Variants in CCDC88A observed in about 807,000 individuals in gnomAD.
CCDC88A encodes coiled-coil and HOOK domain protein 88A.
Under a neutral mutation model 234.3 loss-of-function variants are expected in CCDC88A, and 54 were observed. The observed-to-expected ratio is 0.23, with a 90% CI of 0.19 to 0.29. The LOEUF (loss-of-function observed/expected upper bound fraction) is 0.29. Among genes scored for constraint, CCDC88A ranks in the 10% least tolerant of loss-of-function variants. CCDC88A has a pLI of 1.00. For missense variants in CCDC88A, 1,832 were observed against 2,123.4 expected, an observed-to-expected ratio of 0.86 and a Z score of 2.70; for synonymous variants, 753 against 737.8, an observed-to-expected ratio of 1.02 and a Z score of -0.33.
chr2:55,320,745 T>A (rs1038468678), intron 18 of CCDC88A: 2 of 152,060 alleles, frequency 1.3e-5, no homozygotes, highest in Non-Finnish European at 2.9e-5. Context: ...TTAAGAAAAA[T>A]TAAAGCACTA....
intron 22 of CCDC88A, chr2:55,313,436 G>A (rs1682584224): frequency 1.3e-5 from 2 of 152,188 alleles, no homozygotes; most frequent in Admixed American, 1.3e-4. Context: ...AAGGGAAATC[G>A]GGTAATTTAG....
At chr2:55,389,752 A>T (rs1676287309) in intron 2 of CCDC88A, among the ~76,000 whole-genome samples, 2 of 152,052 alleles carry the variant, frequency 1.3e-5, no homozygotes, top group South Asian at 4.2e-4. Flanking sequence ...TTAGGAATAA[A>T]GACTGAGGTA....
chr2:55,346,716 G>C (rs1001896369), intron 9 of CCDC88A, among the ~76,000 whole-genome samples: 1 of 152,000 alleles, frequency 6.6e-6, no homozygotes, highest in Non-Finnish European at 1.5e-5. Flanking sequence ...CACCGCACTC[G>C]GCTGATAAAT....
chr2:55,369,484 C>T (rs1672517651), intron 5 of CCDC88A, among the ~76,000 whole-genome samples: 1 of 142,470 alleles, frequency 7.0e-6, no homozygotes, highest in South Asian at 2.2e-4. Flanking sequence ...TGAAGTCTTG[C>T]TCTGTCGCCC....
Position 55,294,927 on chromosome 2 carries a change from C to G in CCDC88A, c.5551+670G>C. 3.4e-6 allele frequency: 4 copies of G among 1,184,390 alleles called. No homozygotes were observed. The African/African-American group carries it at 4.8e-5, about 14-fold the overall frequency. The allele number at this position is 1,184,390 out of a possible 1,614,324, so 73.4% of individuals were successfully genotyped here. On this transcript the variant is annotated intron_variant, in intron 31 of 32. Coordinates refer to ENST00000436346, the MANE Select transcript of CCDC88A (RefSeq NM_001365480.1). ...TTAATATACATGCCATCATGTACAG[C>G]TGAACACTGTGCAACAATTTTAAAT...
At chr2:55,393,289 G>GTTGTT (rs1676961520) in intron 2 of CCDC88A, among the ~76,000 whole-genome samples, 1 of 61,658 alleles carries the variant, frequency 1.6e-5, no homozygotes, top group Admixed American at 2.9e-4. Context: ...GGTTTTTTGG[G>GTTGTT]TTTTTTTTTT....
intron 2 of CCDC88A, among the ~76,000 whole-genome samples, chr2:55,391,689 T>C (rs915006676): frequency 2.0e-5 from 3 of 152,186 alleles, no homozygotes; most frequent in Non-Finnish European, 2.9e-5. Context: ...ATTAGTGAAC[T>C]TGAAGACATT....
rs1175215251 is a variant in CCDC88A, at chr2:55,309,158, G to A, written c.4172+4C>T. On this transcript the variant is annotated splice_donor_region_variant and intron_variant, in intron 24 of 32. Coordinates refer to ENST00000436346, the MANE Select transcript of CCDC88A (RefSeq NM_001365480.1). This position sits in a 1 kb window ranked among gnomAD's most constrained non-coding sequence, Gnocchi z 5.1. Reference sequence around the variant, plus strand: ...AAGAATTCATAAAATTTGGTTAATGGTACCTTCTAGGAGGAGATGGGTCAT... The same window carrying A: ...AAGAATTCATAAAATTTGGTTAATGATACCTTCTAGGAGGAGATGGGTCAT... The A allele has an allele frequency of 6.5e-7, 1 of 1,539,534 alleles. No homozygotes were observed. The highest frequency in any genetic ancestry group is 8.9e-7 in the Non-Finnish European group (1 of 1,121,374).
rs1234130864 is a variant in CCDC88A, at chr2:55,366,523, T to TCACA, written c.403-2494_403-2491dup. On this transcript the variant is annotated intron_variant, in intron 5 of 32. Coordinates refer to ENST00000436346, the MANE Select transcript of CCDC88A (RefSeq NM_001365480.1). ...GCCTAGGCAACAGAGCAAGACTCTG[T>TCACA]CACACACACATACACACACACACAC... Among the ~76,000 whole-genome samples, 63 of 127,804 alleles carry TCACA rather than the reference T, an allele frequency of 4.9e-4. 1 individual carries two copies. The highest frequency in any genetic ancestry group is 3.0e-3 in the Admixed American group (37 of 12,322). 83.8% of individuals were successfully genotyped at this position (127,804 alleles called of 152,430 possible). A position where few individuals can be genotyped will look rare whatever the true frequency, so the allele number is the denominator to read the frequency against.
chr2:55,377,538 A>T (rs1673875411), intron 3 of CCDC88A, among the ~76,000 whole-genome samples: 1 of 152,032 alleles, frequency 6.6e-6, no homozygotes, highest in Admixed American at 6.6e-5. Flanking sequence ...TTGTGAAGAT[A>T]ACCTAAGTCA....
intron 5 of CCDC88A, among the ~76,000 whole-genome samples, chr2:55,370,460 G>A (rs1229168835): frequency 6.6e-6 from 1 of 150,378 alleles, no homozygotes; most frequent in African/African-American, 2.4e-5. Flanking sequence ...TGGCCAACAT[G>A]GTGAAACCCT....
chr2:55,296,173 C>CAA (rs5831349), intron 30 of CCDC88A, 85 bp downstream of exon 30: 7 of 1,390,520 alleles, frequency 5.0e-6, no homozygotes, highest in African/African-American at 1.5e-5. Context: ...CTTAACTTAC[C>CAA]AAAAAAAAAA....
In CCDC88A at chr2:55,401,499, CATATATATATATATATATATATAT is replaced by C. The variant is rs70954117; in HGVS notation, c.165-12637_165-12614del. Among the ~76,000 whole-genome samples, 51 of 54,568 alleles carry C rather than the reference CATATATATATATATATATATATAT, an allele frequency of 9.3e-4. 2 individuals are homozygous for C. Among genetic ancestry groups the C allele is most frequent in the Admixed American group, 1.9e-3 (7 of 3,604 alleles). 35.8% of individuals were successfully genotyped at this position (54,568 alleles called of 152,430 possible). A position where few individuals can be genotyped will look rare whatever the true frequency, so the allele number is the denominator to read the frequency against. ...GTGTGTATGTATGTGTGTGTGTATA[CATATATATATATATATATATATAT>C]ATATATATATATATATTCCTTCAAC... On this transcript the variant is annotated intron_variant, in intron 2 of 32. Coordinates refer to ENST00000436346, the MANE Select transcript of CCDC88A (RefSeq NM_001365480.1).
In CCDC88A at chr2:55,334,980, T is replaced by C. The variant is rs764152864; in HGVS notation, c.1841A>G (p.Lys614Arg). The C allele has an allele frequency of 6.3e-7, 1 of 1,592,554 alleles. No homozygotes were observed. The highest frequency in any genetic ancestry group is 2.2e-5 in the East Asian group (1 of 44,570). Residue 614 changes from lysine to arginine, a missense_variant, in exon 15 of 33, where the codon AAA becomes AGA. By Grantham distance (26) the Lys-to-Arg change is conservative (BLOSUM62 2). Coordinates refer to ENST00000436346, the MANE Select transcript of CCDC88A (RefSeq NM_001365480.1). This position sits in a 1 kb window ranked among gnomAD's most constrained non-coding sequence, Gnocchi z 6.1. Reference sequence around the variant, plus strand: ...TTCTTTATAATGTTCCAATTCTTTTTTAATTTGTCTTTTTTCAAATTCAAT... The same window carrying C: ...TTCTTTATAATGTTCCAATTCTTTTCTAATTTGTCTTTTTTCAAATTCAAT... ...SKIEFEKRQI[K>R]KELEHYKEKG... is the part of the protein sequence containing the mutation.
In CCDC88A at chr2:55,346,316, C is replaced by A; in HGVS notation, c.900G>T (p.Ser300=). ...RLQQENMNLL[S]DARSARMYRD... is the part of the protein sequence containing the mutation. ...GGTACATTCTGGCAGAGCGAGCATC[C>A]GAAAGCAAATTCATGTTCTAAACAA... Residue 300 remains serine, a synonymous_variant, in exon 10 of 33, where the codon TCG becomes TCT. Coordinates refer to ENST00000436346, the MANE Select transcript of CCDC88A (RefSeq NM_001365480.1). 6.3e-7 allele frequency: 1 copy of A among 1,589,124 alleles called. No homozygotes were observed. The highest frequency in any genetic ancestry group is 1.2e-5 in the South Asian group (1 of 85,148).
At chr2:55,416,408 C>A (rs1681393035) in intron 2 of CCDC88A, among the ~76,000 whole-genome samples, 1 of 105,076 alleles carries the variant, frequency 9.5e-6, no homozygotes, top group Non-Finnish European at 1.9e-5. Flanking sequence ...ACTGGACTTC[C>A]AAAAGGGTGA....
Position 55,392,195 on chromosome 2 carries a change from C to G in CCDC88A, c.165-3309G>C, listed in dbSNP as rs966420018. ...TCTCCTTTATGTTTCACTGGTCTAC[C>G]TACATATTCCCATGTCAACAGCACC... On this transcript the variant is annotated intron_variant, in intron 2 of 32. Transcript: ENST00000436346. Among the ~76,000 whole-genome samples, 126 of 152,100 alleles carry G rather than the reference C, an allele frequency of 8.3e-4. 2 individuals are homozygous for G. Among genetic ancestry groups the G allele is most frequent in the Admixed American group, 8.2e-3 (125 of 15,278 alleles).
chr2:55,352,052 G>A (rs1192081851), intron 8 of CCDC88A, among the ~76,000 whole-genome samples: 3 of 152,184 alleles, frequency 2.0e-5, no homozygotes, highest in Non-Finnish European at 2.9e-5. Flanking sequence ...GCAGACTAGT[G>A]ATTGCCAGGA....
In CCDC88A at chr2:55,417,121, T is replaced by C. The variant is rs181053088; in HGVS notation, c.164+1695A>G. 253 of 152,066 alleles carry C rather than the reference T, an allele frequency of 1.7e-3. 2 individuals carry two copies. The highest frequency in any genetic ancestry group is 0.014 in the Admixed American group (217 of 15,272). The allele number at this position is 152,066 out of a possible 1,614,324, so 9.4% of individuals were successfully genotyped here. ...AAAATATACATATATTTTTTAAGCATAAAACTGCATTTGAAGTGGAAATTA... is the reference window on the plus strand; with the variant it reads ...AAAATATACATATATTTTTTAAGCACAAAACTGCATTTGAAGTGGAAATTA... On this transcript the variant is annotated intron_variant, in intron 2 of 32. Transcript: ENST00000436346.
Sources: allele counts gnomAD v4.1 joint callset (sites outside exome capture counted in the v4.1 genomes callset), GRCh38; gene constraint gnomAD v4.1.1; non-coding constraint Gnocchi (gnomAD v3.1); transcripts MANE v1.5; gene names NCBI Gene and HGNC (gene_info 2026-07-23, HGNC 2026-07-21).